Variants in TMEM131 observed in about 807,000 individuals in gnomAD.
TMEM131 encodes transmembrane protein 131.
A neutral mutation model predicts 211.6 loss-of-function variants in TMEM131; 66 were observed. The ratio of observed to expected loss-of-function variants is 0.31; its 90% CI spans 0.26 to 0.38. The LOEUF (loss-of-function observed/expected upper bound fraction) is 0.38, where lower values mean the gene tolerates loss of function less well. Among genes scored for constraint, TMEM131 ranks in the 10% least tolerant of loss-of-function variants. The pLI, the probability that TMEM131 is intolerant of heterozygous loss-of-function variation, is 1.00. For missense variants in TMEM131, 2,036 were observed against 2,299.3 expected (o/e 0.89, Z 2.34); for synonymous variants, 844 against 841.3 (o/e 1.00, Z -0.06).
intron 39 of TMEM131, chr2:97,759,278 C>CTT: frequency 1.7e-6 from 1 of 584,124 alleles, no homozygotes; most frequent in Non-Finnish European, 3.0e-6. Context: ...CAAATGCAAA[C>CTT]TTTCCCCACT....
At position 97,756,525 on chromosome 2, in the gene TMEM131, G is replaced by GT. The variant is rs1430930954; in HGVS notation, c.*573dup. On this transcript the variant is annotated 3_prime_UTR_variant, in exon 41 of 41. Coordinates refer to ENST00000186436, the MANE Select transcript of TMEM131 (RefSeq NM_015348.2). ...AAAATGCATATGGTCTCAACTGAATGTTTTTACATTCATTCACCGTTCTTA... is the reference window on the plus strand; with the variant it reads ...AAAATGCATATGGTCTCAACTGAATGTTTTTTACATTCATTCACCGTTCTTA... The GT allele has an allele frequency of 6.6e-6, 1 of 152,220 alleles. No homozygotes were observed. The highest frequency in any genetic ancestry group is 2.4e-5 in the African/African-American group (1 of 41,436). 9.4% of individuals were successfully genotyped at this position (152,220 alleles called of 1,614,324 possible).
At chr2:97,871,827 G>A (rs1217525112) in intron 4 of TMEM131, among the ~76,000 whole-genome samples, 1 of 152,090 alleles carries the variant, frequency 6.6e-6, no homozygotes, top group African/African-American at 2.4e-5. Flanking sequence ...CAATACCATG[G>A]TCTCAGTGAA....
intron 3 of TMEM131, among the ~76,000 whole-genome samples, chr2:97,906,563 C>T (rs1676078202): frequency 6.6e-6 from 1 of 152,190 alleles, no homozygotes; most frequent in Non-Finnish European, 1.5e-5. Context: ...ACAGCTTTCA[C>T]TAGTTTCCTC....
intron 28 of TMEM131, among the ~76,000 whole-genome samples, chr2:97,795,351 C>T (rs1053901335): frequency 8.5e-5 from 13 of 152,318 alleles, no homozygotes; most frequent in Admixed American, 2.6e-4. Flanking sequence ...ATCAAATTCT[C>T]ATAATTATTA....
intron 1 of TMEM131, among the ~76,000 whole-genome samples, chr2:97,963,525 G>A (rs1185080639): frequency 2.0e-5 from 3 of 152,136 alleles, no homozygotes; most frequent in Non-Finnish European, 4.4e-5. Flanking sequence ...GACCAGCCTG[G>A]CCAACATGGC....
intron 4 of TMEM131, among the ~76,000 whole-genome samples, chr2:97,860,277 C>G (rs1473459349): frequency 4.6e-5 from 7 of 152,160 alleles, no homozygotes; most frequent in African/African-American, 1.2e-4. Context: ...GACCTTCCAC[C>G]TGAGCCAGGC....
chr2:97,959,321 G>A (rs1169425258), intron 1 of TMEM131, among the ~76,000 whole-genome samples: 2 of 152,194 alleles, frequency 1.3e-5, no homozygotes, highest in Non-Finnish European at 2.9e-5. Flanking sequence ...CTCTGGGGAG[G>A]TGGGGAAGAG....
Position 97,821,266 on chromosome 2 carries a change from T to C in TMEM131, c.1075-2545A>G, listed in dbSNP as rs149279103. Among the ~76,000 whole-genome samples the C allele has an allele frequency of 4.1e-3, 626 of 152,138 alleles. 7 individuals are homozygous for C. The East Asian group carries it at 0.055, about 13-fold the overall frequency. On this transcript the variant is annotated intron_variant, in intron 11 of 40. Coordinates refer to ENST00000186436, the MANE Select transcript of TMEM131 (RefSeq NM_015348.2). Reference sequence around the variant, plus strand: ...ACTGTAAATGCACCAATCAGCACTCTGTAAAAACGCACCAATCAGTGCTCT... The same window carrying C: ...ACTGTAAATGCACCAATCAGCACTCCGTAAAAACGCACCAATCAGTGCTCT...
intron 19 of TMEM131, among the ~76,000 whole-genome samples, chr2:97,808,349 G>A (rs941822514): frequency 2.6e-5 from 4 of 152,148 alleles, no homozygotes; most frequent in Non-Finnish European, 4.4e-5. Context: ...ACCCACTACT[G>A]TCTCCTACCA....
intron 1 of TMEM131, among the ~76,000 whole-genome samples, chr2:97,940,735 G>A (rs1413815892): frequency 2.0e-5 from 3 of 151,752 alleles, no homozygotes; most frequent in Non-Finnish European, 4.4e-5. Flanking sequence ...CGTGAACCTA[G>A]GAGGCGGAGC....
intron 1 of TMEM131, among the ~76,000 whole-genome samples, chr2:97,928,955 G>A (rs148788272): frequency 6.6e-5 from 10 of 151,876 alleles, no homozygotes; most frequent in African/African-American, 2.2e-4. Context: ...ATATTCATAG[G>A]TTAGTATACA....
intron 1 of TMEM131, among the ~76,000 whole-genome samples, chr2:97,978,222 G>T (rs1679629996): frequency 6.6e-6 from 1 of 152,120 alleles, no homozygotes; most frequent in Non-Finnish European, 1.5e-5. Context: ...TTCAAAACTG[G>T]AGTCAATCTT....
intron 3 of TMEM131, among the ~76,000 whole-genome samples, chr2:97,903,355 C>A (rs1011107961): frequency 6.6e-6 from 1 of 152,196 alleles, no homozygotes; most frequent in Non-Finnish European, 1.5e-5. Context: ...TCAATCTTAA[C>A]TTCAATCAGA....
chr2:97,931,188 G>A (rs1489741367), intron 1 of TMEM131, among the ~76,000 whole-genome samples: 4 of 151,748 alleles, frequency 2.6e-5, no homozygotes, highest in Non-Finnish European at 5.9e-5. Flanking sequence ...GAAAGAAAAG[G>A]ATTTACATTT....
intron 4 of TMEM131, among the ~76,000 whole-genome samples, chr2:97,874,624 A>T (rs1674618090): frequency 6.6e-6 from 1 of 152,216 alleles, no homozygotes; most frequent in South Asian, 2.1e-4. Flanking sequence ...CAGCCAAACT[A>T]AGCTTCATAA....
At chr2:97,908,630 T>C (rs773379400) in intron 3 of TMEM131, 28 bp downstream of exon 3, 12 of 1,556,248 alleles carry the variant, frequency 7.7e-6, no homozygotes, top group Middle Eastern at 1.7e-4. Context: ...ACCGAAAGTA[T>C]GTTAATTATC....
At chr2:97,904,257 T>TA (rs1675977396) in intron 3 of TMEM131, among the ~76,000 whole-genome samples, 1 of 152,094 alleles carries the variant, frequency 6.6e-6, no homozygotes, top group Admixed American at 6.6e-5. Context: ...TTATAAGAAA[T>TA]ATACACTGAA....
Position 97,815,150 on chromosome 2 carries a change from T to A in TMEM131, c.1292+49A>T, listed in dbSNP as rs755927713. ...CAGGTCATTTAGCAGGAAAATATAA[T>A]TTACTGATTAGTAAAAAGTAATAGA... On this transcript the variant is annotated intron_variant, in intron 13 of 40. Transcript: ENST00000186436. The A allele has an allele frequency of 1.6e-5, 17 of 1,052,140 alleles. No individual in the cohort carries two copies. The African/African-American group carries it at 2.7e-4, about 17-fold the overall frequency. The allele number at this position is 1,052,140 out of a possible 1,614,324, so 65.2% of individuals were successfully genotyped here.
intron 12 of TMEM131, among the ~76,000 whole-genome samples, chr2:97,816,865 A>G (rs1463394833): frequency 6.6e-6 from 1 of 152,218 alleles, no homozygotes; most frequent in African/African-American, 2.4e-5. Context: ...GTTAATACAT[A>G]TATAAGGTGC....
Sources: gnomAD v4.1 joint callset for allele counts (sites outside exome capture counted in the v4.1 genomes callset) on GRCh38, gnomAD v4.1.1 for gene constraint, MANE v1.5 for transcripts, NCBI Gene and HGNC (gene_info 2026-07-23, HGNC 2026-07-21) for gene names.